Variants in CA10 observed in about 807,000 individuals in gnomAD.
CA10 encodes carbonic anhydrase 10 (inactive).
A neutral mutation model predicts 44.2 loss-of-function variants in CA10; 14 were observed. The observed-to-expected ratio is 0.32, with a 90% CI of 0.21 to 0.50. CA10 has a LOEUF of 0.50. Among genes scored for constraint, CA10 ranks in the 20% least tolerant of loss-of-function variants. CA10 has a pLI of 0.99. For synonymous variants in CA10, 159 were observed against 141.6 expected (o/e 1.12, Z -0.87); for missense variants, 350 against 409.7 (o/e 0.85, Z 1.26).
chr17:51,731,363 G>A (rs568567660), intron 4 of CA10, among the ~76,000 whole-genome samples: 5 of 152,272 alleles, frequency 3.3e-5, no homozygotes, highest in African/African-American at 1.2e-4. Flanking sequence ...GCGACAGGAC[G>A]AGACTCCGTC....
At chr17:51,998,967 C>G (rs574950563) in intron 2 of CA10, among the ~76,000 whole-genome samples, 1 of 152,078 alleles carries the variant, frequency 6.6e-6, no homozygotes, top group Admixed American at 6.6e-5. Flanking sequence ...CTCTCTATTA[C>G]CAACTTGTAA....
intron 2 of CA10, among the ~76,000 whole-genome samples, chr17:52,029,798 C>A (rs1429270799): frequency 3.9e-5 from 6 of 152,090 alleles, no homozygotes; most frequent in African/African-American, 1.4e-4. Context: ...TTCTAAGAAA[C>A]TTATAACTCC....
chr17:51,883,590 T>A (rs904159219), intron 3 of CA10, among the ~76,000 whole-genome samples: 1 of 152,158 alleles, frequency 6.6e-6, no homozygotes, highest in African/African-American at 2.4e-5. Context: ...CAGCTCCTTC[T>A]GCCTGAGAAC....
At chr17:51,833,823 C>T (rs113212276) in intron 3 of CA10, among the ~76,000 whole-genome samples, 178 of 152,268 alleles carry the variant, frequency 1.2e-3, no homozygotes, top group African/African-American at 4.0e-3. Flanking sequence ...TAATATTGTG[C>T]TGTGTTGACA....
At chr17:52,017,157 C>A (rs1442242017) in intron 2 of CA10, among the ~76,000 whole-genome samples, 2 of 152,090 alleles carry the variant, frequency 1.3e-5, no homozygotes, top group Non-Finnish European at 2.9e-5. Context: ...CCATGCAAAG[C>A]AGACTACCAC....
Position 51,722,586 on chromosome 17 carries a change from C to A in CA10, c.465+25047G>T, listed in dbSNP as rs181583695. ...GTGTGATGGCCTCAGGGCCCCCTGTCCCCTTGCTCCTTTACCAAAATTAAC... is the reference window on the plus strand; with the variant it reads ...GTGTGATGGCCTCAGGGCCCCCTGTACCCTTGCTCCTTTACCAAAATTAAC... On this transcript the variant is annotated intron_variant, in intron 4 of 8. Transcript: ENST00000451037. Among the ~76,000 whole-genome samples the A allele has an allele frequency of 1.1e-4, 17 of 152,304 alleles. No homozygotes were observed. In the South Asian group the frequency reaches 1.2e-3, roughly 11 times the overall value.
intron 3 of CA10, among the ~76,000 whole-genome samples, chr17:51,890,314 G>A (rs772592145): frequency 6.6e-6 from 1 of 152,194 alleles, no homozygotes; most frequent in Non-Finnish European, 1.5e-5. Context: ...GACATCTGCA[G>A]ATGTTGGGCT....
chr17:51,874,511 A>T (rs1979963374), intron 3 of CA10, among the ~76,000 whole-genome samples: 1 of 152,120 alleles, frequency 6.6e-6, no homozygotes, highest in African/African-American at 2.4e-5. Flanking sequence ...AAATGTCAGG[A>T]GGCGGGCAGA....
intron 2 of CA10, among the ~76,000 whole-genome samples, chr17:51,950,894 T>C (rs549455003): frequency 2.6e-5 from 4 of 152,286 alleles, no homozygotes; most frequent in African/African-American, 7.2e-5. Context: ...TTTTCTGCTA[T>C]GTGCTTAGCT....
intron 2 of CA10, among the ~76,000 whole-genome samples, chr17:52,065,809 G>C (rs901624576): frequency 6.6e-6 from 1 of 152,112 alleles, no homozygotes; most frequent in Non-Finnish European, 1.5e-5. Context: ...GATATGGTTT[G>C]GCTGTGCCCC....
chr17:52,098,134 T>C (rs1988451250), intron 1 of CA10, among the ~76,000 whole-genome samples: 1 of 152,198 alleles, frequency 6.6e-6, no homozygotes, highest in Non-Finnish European at 1.5e-5. Flanking sequence ...TGGAAGGAGC[T>C]ACTTTCACTT....
chr17:52,113,385 T>G (rs575438244), intron 1 of CA10, among the ~76,000 whole-genome samples: 2 of 152,204 alleles, frequency 1.3e-5, no homozygotes, highest in South Asian at 4.1e-4. Context: ...AATAAAAAGG[T>G]CAGTGTTCTG....
At chr17:52,060,174 T>C (rs917761695) in intron 2 of CA10, among the ~76,000 whole-genome samples, 2 of 152,044 alleles carry the variant, frequency 1.3e-5, no homozygotes, top group Admixed American at 1.3e-4. Flanking sequence ...TCCCCAAAAC[T>C]CACAATCCCA....
chr17:52,025,042 G>A (rs1352882600), intron 2 of CA10, among the ~76,000 whole-genome samples: 1 of 151,886 alleles, frequency 6.6e-6, no homozygotes, highest in East Asian at 2.0e-4. Context: ...TATACAGTAA[G>A]TATGTATGCT....
At chr17:51,667,054 C>G (rs988959602) in intron 4 of CA10, among the ~76,000 whole-genome samples, 4 of 152,234 alleles carry the variant, frequency 2.6e-5, no homozygotes, top group African/African-American at 2.4e-5. Context: ...CTAATTTGAA[C>G]AATCCAGGGA....
Position 51,719,158 on chromosome 17 carries a change from G to A in CA10, c.465+28475C>T, listed in dbSNP as rs186725159. ...TCACACAGTACTGGAAAAAGTCCAG[G>A]ATAAATGGGCTTTGAATAAAATAAA... On this transcript the variant is annotated intron_variant, in intron 4 of 8. Coordinates refer to ENST00000451037, the MANE Select transcript of CA10 (RefSeq NM_020178.5). 6.7e-4 allele frequency among the ~76,000 whole-genome samples: 102 copies of A among 152,276 alleles called. 2 individuals are homozygous for A. The highest frequency in any genetic ancestry group is 2.4e-3 in the African/African-American group (98 of 41,566).
chr17:51,853,563 A>G (rs576675320), intron 3 of CA10, among the ~76,000 whole-genome samples: 1 of 152,210 alleles, frequency 6.6e-6, no homozygotes, highest in African/African-American at 2.4e-5. Context: ...CATTTACTCC[A>G]ATCTGTGCTT....
At chr17:52,154,100 T>C (rs1989756755) in intron 1 of CA10, among the ~76,000 whole-genome samples, 1 of 152,222 alleles carries the variant, frequency 6.6e-6, no homozygotes, top group Non-Finnish European at 1.5e-5. Context: ...ATTGTAATCA[T>C]CTAAAACTTT....
intron 2 of CA10, among the ~76,000 whole-genome samples, chr17:51,942,294 AAACAC>A (rs1156571066): frequency 6.6e-6 from 1 of 152,086 alleles, no homozygotes; most frequent in Non-Finnish European, 1.5e-5. Flanking sequence ...CTTGGAACCC[AAACAC>A]AACACAACTG....
Sources: gnomAD v4.1 joint callset for allele counts (sites outside exome capture counted in the v4.1 genomes callset) on GRCh38, gnomAD v4.1.1 for gene constraint, MANE v1.5 for transcripts, NCBI Gene and HGNC (gene_info 2026-07-23, HGNC 2026-07-21) for gene names.